Variants in TSPAN19 observed in about 807,000 individuals in gnomAD.
The protein encoded by TSPAN19 is tetraspanin 19, also known as tetraspanin-19.
In TSPAN19, 44 loss-of-function variants were observed where a neutral mutation model predicts 35.1. That is an observed-to-expected ratio of 1.25 (90% CI 0.98 to 1.61). The LOEUF is 1.61. Ranked by LOEUF, TSPAN19 falls within the 40% of genes most tolerant of loss-of-function variation. TSPAN19 has a pLI of 0.00. For synonymous variants in TSPAN19, 79 were observed against 92.0 expected (o/e 0.86, Z 0.81); for missense variants, 290 against 280.0 (o/e 1.04, Z -0.26).
chr12:85,014,386 T>A lies in TSPAN19; in HGVS notation c.*101A>T. On this transcript the variant is annotated 3_prime_UTR_variant, in exon 9 of 9. Transcript: ENST00000532498. ...ACATATAATTAATAATTTGAATACA[T>A]CTGTTATTTAATACAATTCAAAACG... 2.8e-6 allele frequency: 2 copies of A among 707,770 alleles called. No homozygotes were observed. The highest frequency in any genetic ancestry group is 1.9e-5 in the South Asian group (1 of 51,726). The allele number at this position is 707,770 out of a possible 1,614,324, so 43.8% of individuals were successfully genotyped here.
At chr12:85,016,847 A>T (rs1876836235) in intron 7 of TSPAN19, 1 of 151,902 alleles carries the variant, frequency 6.6e-6, no homozygotes, top group African/African-American at 2.4e-5. Flanking sequence ...TAAAAAAAAA[A>T]AGTAATGTTC....
rs1302453393 is a variant in TSPAN19, at chr12:85,028,033, G to A, written c.140-10C>T. ...AAGTGATTATTTTCATCTGTGAAAA[G>A]TACAAATTTACTTATTATGAAGTGG... On this transcript the variant is annotated splice_polypyrimidine_tract_variant and intron_variant, in intron 3 of 8. Transcript: ENST00000532498. The A allele has an allele frequency of 5.3e-6, 8 of 1,519,374 alleles. No homozygotes were observed. The highest frequency in any genetic ancestry group is 7.1e-6 in the Non-Finnish European group (8 of 1,121,988). The allele number at this position is 1,519,374 out of a possible 1,614,324, so 94.1% of individuals were successfully genotyped here. A position where few individuals can be genotyped will look rare whatever the true frequency, so the allele number is the denominator to read the frequency against.
At chr12:85,031,489 T>C (rs1160110088) in intron 1 of TSPAN19, among the ~76,000 whole-genome samples, 1 of 152,100 alleles carries the variant, frequency 6.6e-6, no homozygotes, top group African/African-American at 2.4e-5. Context: ...GTAACTCTGA[T>C]GTGAAATGTT....
chr12:85,022,832 A>G (rs1204069604), intron 5 of TSPAN19, among the ~76,000 whole-genome samples: 4 of 152,156 alleles, frequency 2.6e-5, no homozygotes, highest in African/African-American at 9.6e-5. Flanking sequence ...TTTGAACTAA[A>G]TTTGATAAAC....
At chr12:85,021,831 A>T (rs901305266) in intron 5 of TSPAN19, among the ~76,000 whole-genome samples, 1 of 152,078 alleles carries the variant, frequency 6.6e-6, no homozygotes, top group African/African-American at 2.4e-5. Flanking sequence ...TGGCCATGAA[A>T]TACTTTAACA....
At chr12:85,023,468 G>A (rs1877234664) in intron 4 of TSPAN19, 68 bp from the exon 5 acceptor site, 3 of 1,239,480 alleles carry the variant, frequency 2.4e-6, no homozygotes, top group South Asian at 1.4e-5. Flanking sequence ...TCAAATAATG[G>A]GAAAACACAC....
chr12:85,024,680 G>A, intron 4 of TSPAN19: 1 of 153,264 alleles, frequency 6.5e-6, no homozygotes, highest in South Asian at 2.0e-4. Flanking sequence ...CGGAATCTGA[G>A]GCAGGAGAAT....
At chr12:85,023,287 AAAT>A in intron 5 of TSPAN19, 36 bp downstream of exon 5, 1 of 1,515,276 alleles carries the variant, frequency 6.6e-7, no homozygotes, top group Non-Finnish European at 9.0e-7. Flanking sequence ...TTTAAACTTC[AAAT>A]AACAGGATGT....
intron 6 of TSPAN19, 141 bp downstream of exon 6, chr12:85,019,485 A>G (rs1369032411): frequency 1.8e-6 from 1 of 565,168 alleles, no homozygotes; most frequent in Non-Finnish European, 3.2e-6. Flanking sequence ...AAGTGTGGAG[A>G]ATGCCCTTTT....
chr12:85,019,545 A>G, intron 6 of TSPAN19, 81 bp downstream of exon 6: 1 of 846,930 alleles, frequency 1.2e-6, no homozygotes, highest in South Asian at 1.5e-5. Context: ...CATCTGCCCC[A>G]TCCCCTGCCC....
At position 85,035,802 on chromosome 12, in the gene TSPAN19, CTG is replaced by C. The variant is rs1288098721; in HGVS notation, c.-28+400_-28+401del. ...GAAATTAAGGTTTTATATTGAAATA[CTG>C]TGTGACAATATTTTTACAGTAAAAT... On this transcript the variant is annotated intron_variant, in intron 1 of 8. Coordinates refer to ENST00000532498, the MANE Select transcript of TSPAN19 (RefSeq NM_001100917.2). Among the ~76,000 whole-genome samples the C allele has an allele frequency of 1.4e-4, 21 of 152,218 alleles. No individual in the cohort carries two copies. The South Asian group carries it at 4.3e-3, about 32-fold the overall frequency.
chr12:85,030,059 T>G lies in TSPAN19; in HGVS notation c.-27-86A>C, dbSNP rs1430604382. 8 of 1,083,964 alleles carry G rather than the reference T, an allele frequency of 7.4e-6. No homozygotes were observed. In the East Asian group the frequency reaches 2.3e-4, roughly 31 times the overall value. The allele number at this position is 1,083,964 out of a possible 1,614,324, so 67.1% of individuals were successfully genotyped here. A position where few individuals can be genotyped will look rare whatever the true frequency, so the allele number is the denominator to read the frequency against. On this transcript the variant is annotated intron_variant, in intron 1 of 8. Transcript: ENST00000532498. The stretch of plus-strand genomic sequence containing the variant: ...ACTTATGTTCTTTATTTGCACATTT[T>G]TCTTCTCAAATCAATTATCAGTATA...
At chr12:85,017,810 T>C (rs988351142) in intron 6 of TSPAN19, among the ~76,000 whole-genome samples, 3 of 151,896 alleles carry the variant, frequency 2.0e-5, no homozygotes, top group Non-Finnish European at 2.9e-5. Context: ...AGATCTCTGC[T>C]CACATTAGTG....
chr12:85,027,255 T>A (rs984635349), intron 4 of TSPAN19, among the ~76,000 whole-genome samples: 1 of 152,144 alleles, frequency 6.6e-6, no homozygotes, highest in Non-Finnish European at 1.5e-5. Context: ...AAGTTACCTT[T>A]CATGGCAATG....
intron 6 of TSPAN19, among the ~76,000 whole-genome samples, chr12:85,018,762 T>C (rs947713497): frequency 1.6e-4 from 24 of 152,078 alleles, no homozygotes; most frequent in African/African-American, 5.5e-4. Context: ...ATCTTGGCTC[T>C]GCCACTTATT....
intron 8 of TSPAN19, chr12:85,015,545 C>T (rs7957770): frequency 0.39 from 38,645 of 99,920 alleles, 5,129 homozygotes; most frequent in African/African-American, 0.5. Context: ...AACATATACA[C>T]ACACACACAC....
At chr12:85,024,750 C>T (rs1354647763) in intron 4 of TSPAN19, 3 of 146,746 alleles carry the variant, frequency 2.0e-5, no homozygotes, top group Non-Finnish European at 4.5e-5. Flanking sequence ...GCACTCCAGC[C>T]TAGTGACAGA....
At chr12:85,015,247 T>C (rs562579490) in intron 8 of TSPAN19, 2 of 152,076 alleles carry the variant, frequency 1.3e-5, no homozygotes, top group Admixed American at 6.6e-5. Context: ...CCTGCACTTA[T>C]TCTTAATAGT....
At chr12:85,019,592 C>T (rs1398159921) in intron 6 of TSPAN19, 34 bp downstream of exon 6, 5 of 1,338,170 alleles carry the variant, frequency 3.7e-6, no homozygotes, top group Admixed American at 1.7e-5. Context: ...GTGGTCAATA[C>T]TGACATCTAA....
Sources: gnomAD v4.1 joint callset for allele counts (sites outside exome capture counted in the v4.1 genomes callset) on GRCh38, gnomAD v4.1.1 for gene constraint, MANE v1.5 for transcripts, NCBI Gene and HGNC (gene_info 2026-07-23, HGNC 2026-07-21) for gene names.